The following KIF16B variants were observed in gnomAD, a reference collection of about 807,000 sequenced individuals.
KIF16B encodes the protein kinesin family member 16B.
In KIF16B, 98 loss-of-function variants were observed where a neutral mutation model predicts 156.3. The ratio of observed to expected loss-of-function variants is 0.63; its 90% CI spans 0.53 to 0.74. The LOEUF is 0.74. Among genes scored for constraint, KIF16B ranks in the 30% least tolerant of loss-of-function variants. KIF16B has a pLI of 0.00. For synonymous variants in KIF16B, 564 were observed against 583.7 expected, an observed-to-expected ratio of 0.97 and a Z score of 0.49; for missense variants, 1,421 against 1,606.5, an observed-to-expected ratio of 0.88 and a Z score of 1.97.
intron 1 of KIF16B, among the ~76,000 whole-genome samples, chr20:16,546,996 C>T (rs187749941): frequency 3.3e-5 from 5 of 152,238 alleles, no homozygotes; most frequent in South Asian, 2.1e-4. Context: ...AGGCTGGTCT[C>T]GAACTCCTGA....
chr20:16,280,867 T>C lies in KIF16B; in HGVS notation c.3796-7456A>G, dbSNP rs6131808. Among the ~76,000 whole-genome samples, 111 of 150,896 alleles carry C rather than the reference T, an allele frequency of 7.4e-4. 1 individual carries two copies. The highest frequency in any genetic ancestry group is 4.6e-3 in the South Asian group (22 of 4,740). Reference sequence around the variant, plus strand: ...GTGTGTGTGTGTGTGTGTGTGTGTGTGCGCAGAAAATGCAAGCATGAGAAT... The same window carrying C: ...GTGTGTGTGTGTGTGTGTGTGTGTGCGCGCAGAAAATGCAAGCATGAGAAT... On this transcript the variant is annotated intron_variant, in intron 25 of 25. Coordinates refer to ENST00000354981, the MANE Select transcript of KIF16B (RefSeq NM_024704.5).
In KIF16B at chr20:16,391,226, T is replaced by G. The variant is rs146610742; in HGVS notation, c.1785-9479A>C. Among the ~76,000 whole-genome samples the G allele has an allele frequency of 4.3e-4, 65 of 152,182 alleles. No individual in the cohort carries two copies. In the East Asian group the frequency reaches 0.012, roughly 29 times the overall value. On this transcript the variant is annotated intron_variant, in intron 17 of 25. Transcript: ENST00000354981. The stretch of plus-strand genomic sequence containing the variant: ...AAGTGATGAGAAATAACAGGGAAGT[T>G]AGACTGTGAGCAGAATATTAAAGGT...
At position 16,377,977 on chromosome 20, in the gene KIF16B, A is replaced by G. The variant is rs184570654; in HGVS notation, c.3197+828T>C. Reference sequence around the variant, plus strand: ...AGTAAATCACCAAACATGTTCTAATATCCCACTGTGTTCAGAATTATCTGG... The same window carrying G: ...AGTAAATCACCAAACATGTTCTAATGTCCCACTGTGTTCAGAATTATCTGG... On this transcript the variant is annotated intron_variant, in intron 19 of 25. Transcript: ENST00000354981. Among the ~76,000 whole-genome samples the G allele has an allele frequency of 4.5e-4, 69 of 152,282 alleles. 1 individual carries two copies. Among genetic ancestry groups the G allele is most frequent in the Non-Finnish European group, 6.6e-4 (45 of 68,024 alleles).
At chr20:16,431,888 T>C (rs1044675721) in intron 12 of KIF16B, among the ~76,000 whole-genome samples, 24 of 138,944 alleles carry the variant, frequency 1.7e-4, no homozygotes, top group Admixed American at 3.6e-4. Flanking sequence ...TATATATATA[T>C]ACTATCCATT....
At position 16,526,210 on chromosome 20, in the gene KIF16B, A is replaced by G. The variant is rs749583110; in HGVS notation, c.118-5T>C. ...CCCAGTGCCTCCTTCTGGTATCTAGAAAGAAATGATTAGAATAATAATGAT... is the reference window on the plus strand; with the variant it reads ...CCCAGTGCCTCCTTCTGGTATCTAGGAAGAAATGATTAGAATAATAATGAT... On this transcript the variant is annotated splice_polypyrimidine_tract_variant and splice_region_variant and intron_variant, in intron 2 of 25. Coordinates refer to ENST00000354981, the MANE Select transcript of KIF16B (RefSeq NM_024704.5). 1 of 1,500,058 alleles carries G rather than the reference A, an allele frequency of 6.7e-7. No individual in the cohort carries two copies. The highest frequency in any genetic ancestry group is 9.2e-7 in the Non-Finnish European group (1 of 1,089,938). The allele number at this position is 1,500,058 out of a possible 1,614,324, so 92.9% of individuals were successfully genotyped here. A position where few individuals can be genotyped will look rare whatever the true frequency, so the allele number is the denominator to read the frequency against.
At chr20:16,431,851 C>T (rs979275333) in intron 12 of KIF16B, among the ~76,000 whole-genome samples, 4 of 148,662 alleles carry the variant, frequency 2.7e-5, no homozygotes, top group Non-Finnish European at 4.5e-5. Flanking sequence ...TTGGGAATGG[C>T]TATTAGTGTG....
At chr20:16,547,855 G>A (rs960356483) in intron 1 of KIF16B, among the ~76,000 whole-genome samples, 7 of 152,148 alleles carry the variant, frequency 4.6e-5, no homozygotes, top group African/African-American at 1.7e-4. Context: ...CCAAATCCCA[G>A]CAGGGACCCC....
chr20:16,552,262 T>G (rs142664206), intron 1 of KIF16B, among the ~76,000 whole-genome samples: 30 of 152,308 alleles, frequency 2.0e-4, no homozygotes, highest in Admixed American at 8.5e-4. Flanking sequence ...TAGCTTCCTA[T>G]AAGTCATACA....
chr20:16,293,172 G>A (rs1230997172), intron 25 of KIF16B, among the ~76,000 whole-genome samples: 5 of 152,202 alleles, frequency 3.3e-5, no homozygotes. Context: ...CAGAAATGAA[G>A]GATATGGCAG....
At chr20:16,566,417 A>G (rs887325630) in intron 1 of KIF16B, among the ~76,000 whole-genome samples, 5 of 152,248 alleles carry the variant, frequency 3.3e-5, no homozygotes, top group Non-Finnish European at 7.3e-5. Flanking sequence ...TGCTAGTATT[A>G]TTATTTCCCT....
chr20:16,523,646 C>G (rs1195476259), intron 3 of KIF16B, among the ~76,000 whole-genome samples: 1 of 152,158 alleles, frequency 6.6e-6, no homozygotes, highest in Non-Finnish European at 1.5e-5. Context: ...CCCCATCAAG[C>G]TACCATTGAC....
chr20:16,550,782 T>C (rs1215273628), intron 1 of KIF16B, among the ~76,000 whole-genome samples: 1 of 152,208 alleles, frequency 6.6e-6, no homozygotes, highest in East Asian at 1.9e-4. Flanking sequence ...TGATCCACCA[T>C]GACCTCCCAA....
intron 24 of KIF16B, among the ~76,000 whole-genome samples, chr20:16,334,116 A>G (rs1248564946): frequency 6.6e-6 from 1 of 152,236 alleles, no homozygotes; most frequent in Non-Finnish European, 1.5e-5. Flanking sequence ...CAAATAATCA[A>G]TATAAAATAA....
In KIF16B at chr20:16,504,450, C is replaced by T. The variant is rs1263856808; in HGVS notation, c.1098G>A (p.Glu366=). 6.2e-7 allele frequency: 1 copy of T among 1,614,082 alleles called. No individual in the cohort carries two copies. The highest frequency in any genetic ancestry group is 1.1e-5 in the South Asian group (1 of 91,082). The change falls in exon 10 of 26, where the codon GAG becomes GAA. Residue 366 remains glutamate (E), a synonymous_variant. Coordinates refer to ENST00000354981, the MANE Select transcript of KIF16B (RefSeq NM_024704.5). The part of the protein sequence containing the change: ...KNIINKPTIN[E]DANVKLIREL... The stretch of plus-strand genomic sequence containing the variant: ...CACGGATAAGTTTGACGTTGGCATC[C>T]TCATTAATGGTAGGCTTGTTGATGA...
intron 1 of KIF16B, among the ~76,000 whole-genome samples, chr20:16,529,680 G>A (rs1411392846): frequency 2.6e-5 from 4 of 152,212 alleles, no homozygotes; most frequent in Admixed American, 6.5e-5. Flanking sequence ...GGCCGAGCAC[G>A]GTGGCTCACG....
chr20:16,487,156 G>C (rs1430502813), intron 12 of KIF16B, among the ~76,000 whole-genome samples: 1 of 152,082 alleles, frequency 6.6e-6, no homozygotes, highest in Non-Finnish European at 1.5e-5. Flanking sequence ...GGGAGGCTGA[G>C]GCAGGAGAAT....
intron 12 of KIF16B, among the ~76,000 whole-genome samples, chr20:16,464,663 T>C (rs1158703776): frequency 6.6e-6 from 1 of 152,148 alleles, no homozygotes; most frequent in East Asian, 1.9e-4. Context: ...TGCCCTCTAG[T>C]TCCTAAGCAC....
At chr20:16,341,775 T>C (rs547344093) in intron 23 of KIF16B, among the ~76,000 whole-genome samples, 2 of 152,252 alleles carry the variant, frequency 1.3e-5, no homozygotes, top group African/African-American at 4.8e-5. Flanking sequence ...GTGATGCAGG[T>C]TAAGGTCCGA....
At chr20:16,502,394 C>T (rs2068651611) in intron 10 of KIF16B, among the ~76,000 whole-genome samples, 1 of 152,060 alleles carries the variant, frequency 6.6e-6, no homozygotes, top group Non-Finnish European at 1.5e-5. Context: ...TAGGATAAGC[C>T]TATATTGTCT....
Sources: gnomAD v4.1 joint callset for allele counts (sites outside exome capture counted in the v4.1 genomes callset) on GRCh38, gnomAD v4.1.1 for gene constraint, MANE v1.5 for transcripts, NCBI Gene and HGNC (gene_info 2026-07-23, HGNC 2026-07-21) for gene names.